EVC2: variants seen among roughly 807,000 people sequenced by gnomAD.
EVC2 encodes the protein limbin.
EVC2 carries 148 observed loss-of-function variants against 149.3 expected under a neutral mutation model. That is an observed-to-expected ratio of 0.99 (90% CI 0.87 to 1.14). The LOEUF (loss-of-function observed/expected upper bound fraction) is 1.14, where lower values mean the gene tolerates loss of function less well. EVC2 is among the 50% of genes most tolerant of loss of function. The pLI is 0.00. For missense variants in EVC2, 1,854 were observed against 1,627.3 expected (o/e 1.14, Z -2.40); for synonymous variants, 776 against 649.9 (o/e 1.19, Z -2.95).
intron 16 of EVC2, among the ~76,000 whole-genome samples, chr4:5,609,096 T>G (rs754457954): frequency 1.3e-5 from 2 of 152,122 alleles, no homozygotes; most frequent in Non-Finnish European, 2.9e-5. Context: ...CCACCAGGTT[T>G]GCGGGTTCTG....
At chr4:5,596,375 G>C (rs1475910834) in intron 16 of EVC2, among the ~76,000 whole-genome samples, 1 of 152,174 alleles carries the variant, frequency 6.6e-6, no homozygotes, top group Non-Finnish European at 1.5e-5. Flanking sequence ...CTGTCTCTGA[G>C]ACCACGGTGC....
intron 19 of EVC2, among the ~76,000 whole-genome samples, chr4:5,573,083 A>G (rs1722727058): frequency 6.6e-6 from 1 of 152,180 alleles, no homozygotes; most frequent in South Asian, 2.1e-4. Context: ...GGTGTTCAGG[A>G]AGTACCAGCT....
Position 5,569,672 on chromosome 4 carries a change from C to T in EVC2, c.3361-1032G>A, listed in dbSNP as rs1722529887. ...AGGCAGGGGTGGGAGGGAACAAGTC[C>T]AGGTGCCGGAAGCCAAGGAGAGAAC... On this transcript the variant is annotated intron_variant, in intron 19 of 21. Coordinates refer to ENST00000344408, the MANE Select transcript of EVC2 (RefSeq NM_147127.5). The surrounding 1 kb of genome is among the most constrained non-coding windows in gnomAD (Gnocchi z 4.8). Among the ~76,000 whole-genome samples the T allele has an allele frequency of 6.6e-6, 1 of 151,950 alleles. No homozygotes were observed. Among genetic ancestry groups the T allele is most frequent in the African/African-American group, 2.4e-5 (1 of 41,370 alleles).
chr4:5,665,487 T>G (rs1277123122), intron 8 of EVC2, 28 bp downstream of exon 8: 1 of 1,613,740 alleles, frequency 6.2e-7, no homozygotes, highest in East Asian at 2.2e-5. Context: ...ATTCACCACC[T>G]TCCAAACCAC....
In EVC2 at chr4:5,584,789, G is replaced by T; in HGVS notation, c.2891C>A (p.Ala964Glu). The change falls in exon 17 of 22, where the codon GCA (alanine) becomes GAA (glutamate). Residue 964 changes from alanine (A) to glutamate (E), a missense_variant. Coordinates refer to ENST00000344408, the MANE Select transcript of EVC2 (RefSeq NM_147127.5). ...GAACTGCAGAGCAACAAGCGACTGTGCAAAGCCTCCCTCCTGTGCCTCCAT... is the reference window on the plus strand; with the variant it reads ...GAACTGCAGAGCAACAAGCGACTGTTCAAAGCCTCCCTCCTGTGCCTCCAT... ...QRMEAQEGGF[A>E]QSLVALQFQK... 1.9e-6 allele frequency: 3 copies of T among 1,614,156 alleles called. No homozygotes were observed. Among genetic ancestry groups the T allele is most frequent in the African/African-American group, 1.3e-5 (1 of 75,046 alleles).
chr4:5,625,262 A>G lies in EVC2; in HGVS notation c.2046+487T>C, dbSNP rs1399330477. ...CCTCATCATATTCTTAGAGTCCCCA[A>G]ATACATGCCATGCGTGCCACTTACT... is the stretch of plus-strand genomic sequence containing the variant. On this transcript the variant is annotated intron_variant, in intron 13 of 21. Coordinates refer to ENST00000344408, the MANE Select transcript of EVC2 (RefSeq NM_147127.5). The surrounding 1 kb of genome is among the most constrained non-coding windows in gnomAD (Gnocchi z 4.0). Among the ~76,000 whole-genome samples, 1 of 149,908 alleles carries G rather than the reference A, an allele frequency of 6.7e-6. No homozygotes were observed. The highest frequency in any genetic ancestry group is 1.5e-5 in the Non-Finnish European group (1 of 67,658).
intron 8 of EVC2, among the ~76,000 whole-genome samples, chr4:5,663,673 C>A (rs1362633398): frequency 1.3e-5 from 2 of 152,182 alleles, no homozygotes; most frequent in African/African-American, 4.8e-5. Flanking sequence ...GTAATCCCAG[C>A]ACTTTGGGAG....
chr4:5,588,328 A>G (rs1203735241), intron 16 of EVC2, among the ~76,000 whole-genome samples: 1 of 152,144 alleles, frequency 6.6e-6, no homozygotes, highest in Admixed American at 6.6e-5. Flanking sequence ...TTTTCTCTTT[A>G]TCAATGGTTT....
At chr4:5,626,363 TG>T (rs1716117374) in intron 12 of EVC2, among the ~76,000 whole-genome samples, 1 of 146,434 alleles carries the variant, frequency 6.8e-6, no homozygotes, top group Admixed American at 6.9e-5. Context: ...AGATGGAGTC[TG>T]GCTCTGTTGC....
In EVC2 at chr4:5,639,193, T is replaced by C. The variant is rs926605116; in HGVS notation, c.1470+1321A>G. 8.5e-5 allele frequency among the ~76,000 whole-genome samples: 13 copies of C among 152,254 alleles called. No homozygotes were observed. In the East Asian group the frequency reaches 1.5e-3, roughly 18 times the overall value. Reference sequence around the variant, plus strand: ...ATTTGCTCCCAGGGGCATCCATAGATGGCCACAGTCTGCGGAAGGGAAGCC... The same window carrying C: ...ATTTGCTCCCAGGGGCATCCATAGACGGCCACAGTCTGCGGAAGGGAAGCC... On this transcript the variant is annotated intron_variant, in intron 10 of 21. Transcript: ENST00000344408.
chr4:5,541,711 G>C (rs1028256328), downstream of EVC2, among the ~76,000 whole-genome samples: 3 of 152,052 alleles, frequency 2.0e-5, no homozygotes, highest in African/African-American at 7.2e-5. Flanking sequence ...GGTGACTCTG[G>C]GCAGGTCAGT....
At chr4:5,705,498 T>G (rs575099421) in intron 1 of EVC2, among the ~76,000 whole-genome samples, 81 of 152,320 alleles carry the variant, frequency 5.3e-4, no homozygotes, top group South Asian at 1.7e-3. Context: ...TAATTCATTT[T>G]AAATAGGAAT....
chr4:5,672,639 A>G (rs532283096), intron 7 of EVC2, among the ~76,000 whole-genome samples: 2 of 152,284 alleles, frequency 1.3e-5, no homozygotes, highest in East Asian at 3.9e-4. Flanking sequence ...TAAAAATAGA[A>G]TTACCATACA....
chr4:5,651,352 A>G (rs2108879767), intron 9 of EVC2, among the ~76,000 whole-genome samples: 1 of 152,106 alleles, frequency 6.6e-6, no homozygotes, highest in African/African-American at 2.4e-5. Context: ...AGTAGATAGG[A>G]TGGATGAATA....
rs1031944941 is a variant in EVC2, at chr4:5,670,897, A to G, written c.871-5248T>C. Among the ~76,000 whole-genome samples the G allele has an allele frequency of 2.6e-5, 4 of 152,038 alleles. No individual in the cohort carries two copies. Among genetic ancestry groups the G allele is most frequent in the Non-Finnish European group, 5.9e-5 (4 of 68,002 alleles). ...CATCATCAATATCCCCATCACCATC[A>G]TCTTCACCATGACCATCACAATCAC... On this transcript the variant is annotated intron_variant, in intron 7 of 21. Coordinates refer to ENST00000344408, the MANE Select transcript of EVC2 (RefSeq NM_147127.5). The surrounding 1 kb of genome is among the most constrained non-coding windows in gnomAD (Gnocchi z 5.2).
At position 5,688,508 on chromosome 4, in the gene EVC2, G is replaced by A. The variant is rs372272192; in HGVS notation, c.706+649C>T. ...ATAAAAGATGTCTTTGCCCTCCTAGGGAAACTAAGTTCTGAAGCCATGGTA... is the reference window on the plus strand; with the variant it reads ...ATAAAAGATGTCTTTGCCCTCCTAGAGAAACTAAGTTCTGAAGCCATGGTA... On this transcript the variant is annotated intron_variant, in intron 5 of 21. Transcript: ENST00000344408. 9.7e-4 allele frequency among the ~76,000 whole-genome samples: 148 copies of A among 152,156 alleles called. 1 individual carries two copies. Among genetic ancestry groups the A allele is most frequent in the African/African-American group, 3.3e-3 (139 of 41,512 alleles).
At chr4:5,709,481 C>G (rs1396754362), upstream of EVC2, 1 of 152,338 alleles carries the variant, frequency 6.6e-6, no homozygotes. Context: ...CCCAGACCAT[C>G]CAAGGACAGG....
At chr4:5,665,683 T>C (rs1719230936) in intron 7 of EVC2, 34 bp from the exon 8 acceptor site, 1 of 1,611,896 alleles carries the variant, frequency 6.2e-7, no homozygotes, top group Non-Finnish European at 8.5e-7. Flanking sequence ...GATTCATGTG[T>C]GGTCAGACAG....
chr4:5,565,535 G>C (rs955672289), intron 20 of EVC2, among the ~76,000 whole-genome samples, 176 bp from the exon 21 acceptor site: 5 of 152,006 alleles, frequency 3.3e-5, no homozygotes, highest in African/African-American at 1.2e-4. Flanking sequence ...AGCAGGGCGT[G>C]GTAGTGGGCA....
Sources: allele counts gnomAD v4.1 joint callset (sites outside exome capture counted in the v4.1 genomes callset), GRCh38; gene constraint gnomAD v4.1.1; non-coding constraint Gnocchi (gnomAD v3.1); transcripts MANE v1.5; gene names NCBI Gene and HGNC (gene_info 2026-07-23, HGNC 2026-07-21).